Variants in DMD observed in about 807,000 individuals in gnomAD.
DMD encodes the protein dystrophin.
A neutral mutation model predicts 330.1 loss-of-function variants in DMD; 63 were observed. The observed-to-expected ratio is 0.19, with a 90% CI of 0.16 to 0.24. The LOEUF is 0.24. Among genes scored for constraint, DMD ranks in the 10% least tolerant of loss-of-function variants. The pLI, the probability that DMD is intolerant of heterozygous loss-of-function variation, is 1.00. For synonymous variants in DMD, 1,223 were observed against 959.8 expected, an observed-to-expected ratio of 1.27 and a Z score of -5.07; for missense variants, 3,344 against 2,684.1, an observed-to-expected ratio of 1.25 and a Z score of -5.43.
intron 9 of DMD, among the ~76,000 whole-genome samples, chrX:32,689,011 C>T (rs1163886467): frequency 9.0e-6 from 1 of 110,712 alleles, no homozygotes; most frequent in Non-Finnish European, 1.9e-5. Flanking sequence ...TGTGGAGTTA[C>T]ATCTTTGTAA....
At chrX:32,759,090 T>A (rs2071893646) in intron 7 of DMD, among the ~76,000 whole-genome samples, 1 of 112,152 alleles carries the variant, frequency 8.9e-6, no homozygotes, top group African/African-American at 3.2e-5. Context: ...GTTTCCTATT[T>A]TCCATCACAG....
In DMD at chrX:32,704,816, C is replaced by T. The variant is rs191673291; in HGVS notation, c.650-5523G>A. Among the ~76,000 whole-genome samples the T allele has an allele frequency of 2.7e-5, 3 of 112,174 alleles. No individual in the cohort carries two copies. In the East Asian group the frequency reaches 8.5e-4, roughly 32 times the overall value. On this transcript the variant is annotated intron_variant, in intron 7 of 78. Coordinates refer to ENST00000357033, the MANE Select transcript of DMD (RefSeq NM_004006.3). ...AGCCAGAATGCTCAAAATATGAAAACAGAAAGGCCTATATGTTGGCACAAC... is the reference window on the plus strand; with the variant it reads ...AGCCAGAATGCTCAAAATATGAAAATAGAAAGGCCTATATGTTGGCACAAC...
intron 1 of DMD, among the ~76,000 whole-genome samples, chrX:33,043,685 CT>C (rs746373500): frequency 3.6e-5 from 4 of 111,365 alleles, no homozygotes; most frequent in African/African-American, 9.8e-5. Context: ...ACAATCAACT[CT>C]TTTTTTTATT....
chrX:31,663,289 G>C (rs373938567), intron 53 of DMD, among the ~76,000 whole-genome samples: 68 of 111,222 alleles, frequency 6.1e-4, no homozygotes, highest in African/African-American at 2.1e-3. Flanking sequence ...CTGGTTTCTG[G>C]GCTTTGGTAA....
chrX:31,246,455 C>G (rs2048839152), intron 63 of DMD, among the ~76,000 whole-genome samples: 1 of 112,509 alleles, frequency 8.9e-6, no homozygotes, highest in African/African-American at 3.2e-5. Context: ...ATAGATGAAA[C>G]AGCCTTCTAT....
At chrX:33,254,215 GC>G (rs1188537052) in intron 1 of DMD, among the ~76,000 whole-genome samples, 3 of 98,172 alleles carry the variant, frequency 3.1e-5, no homozygotes, top group Admixed American at 1.0e-4. Flanking sequence ...ACATCACAAG[GC>G]TTTGTTTGTC....
At chrX:32,350,101 GATA>G (rs2097776431) in intron 37 of DMD, among the ~76,000 whole-genome samples, 1 of 111,304 alleles carries the variant, frequency 9.0e-6, no homozygotes, top group South Asian at 3.7e-4. Context: ...AATACATAAT[GATA>G]ATGTTGAAAA....
chrX:32,037,137 T>C, intron 44 of DMD, among the ~76,000 whole-genome samples: 1 of 111,181 alleles, frequency 9.0e-6, no homozygotes, highest in Middle Eastern at 4.6e-3. Context: ...GTGTAGCACA[T>C]AGACTTCAAG....
intron 7 of DMD, among the ~76,000 whole-genome samples, chrX:32,751,709 G>A (rs1486978487): frequency 8.9e-6 from 1 of 112,412 alleles, no homozygotes; most frequent in Non-Finnish European, 1.9e-5. Context: ...GCACGTCAGA[G>A]ACCTTTGTGG....
chrX:31,677,044 G>T lies in DMD; in HGVS notation c.7872+2331C>A, dbSNP rs191211485. On this transcript the variant is annotated intron_variant, in intron 53 of 78. Transcript: ENST00000357033. ...ATAGTGGCTGAGCCATTTTTATGAT[G>T]TAGTTTTAGACCATTCCAAAGCGTT... is the stretch of plus-strand genomic sequence containing the variant. 2.6e-3 allele frequency among the ~76,000 whole-genome samples: 235 copies of T among 90,995 alleles called. 4 individuals carry two copies. The Admixed American group carries it at 0.027, about 11-fold the overall frequency. 79.0% of individuals were successfully genotyped at this position (90,995 alleles called of 115,157 possible).
chrX:31,751,309 T>A (rs1234923926), intron 51 of DMD, among the ~76,000 whole-genome samples: 2 of 111,261 alleles, frequency 1.8e-5, no homozygotes, highest in Non-Finnish European at 1.9e-5. Flanking sequence ...TGTCCACATG[T>A]CATAAGGTCT....
intron 44 of DMD, among the ~76,000 whole-genome samples, chrX:32,056,605 T>C (rs1021737549): frequency 1.8e-5 from 2 of 110,498 alleles, no homozygotes; most frequent in African/African-American, 6.6e-5. Flanking sequence ...AGGCCGAAAC[T>C]AGTAAGGAGA....
chrX:33,149,688 A>T (rs1482455849), intron 1 of DMD, among the ~76,000 whole-genome samples: 1 of 111,881 alleles, frequency 8.9e-6, no homozygotes, highest in African/African-American at 3.2e-5. Flanking sequence ...TACTAGAGTC[A>T]ATAGATCTAG....
intron 56 of DMD, among the ~76,000 whole-genome samples, chrX:31,497,417 G>C (rs990037759): frequency 1.8e-5 from 2 of 111,389 alleles, no homozygotes; most frequent in Admixed American, 1.9e-4. Flanking sequence ...TCCATCTGGC[G>C]TCTGTTCCTT....
At position 31,314,779 on chromosome X, in the gene DMD, A is replaced by AGAGAGAGAGT. The variant is rs1225831523; in HGVS notation, c.9224+8818_9224+8819insACTCTCTCTC. ...GAGAGAGAGAGAGAGAGAGAGAGAG[A>AGAGAGAGAGT]GTGTTTTACCGTGTTAACATTTTTC... On this transcript the variant is annotated intron_variant, in intron 62 of 78. Transcript: ENST00000357033. Among the ~76,000 whole-genome samples, 106 of 93,433 alleles carry AGAGAGAGAGT rather than the reference A, an allele frequency of 1.1e-3. 2 individuals carry two copies. The highest frequency in any genetic ancestry group is 3.2e-3 in the African/African-American group (74 of 23,253). The allele number at this position is 93,433 out of a possible 115,157, so 81.1% of individuals were successfully genotyped here.
At position 32,349,161 on chromosome X, in the gene DMD, TCTTTA is replaced by T. The variant is rs1404722739; in HGVS notation, c.5326-638_5326-634del. Among the ~76,000 whole-genome samples the T allele has an allele frequency of 7.2e-5, 8 of 111,694 alleles. No homozygotes were observed. In the East Asian group the frequency reaches 2.2e-3, roughly 31 times the overall value. On this transcript the variant is annotated intron_variant, in intron 37 of 78. Transcript: ENST00000357033. ...CTTTTCAACCTTGTAAACATCAGTT[TCTTTA>T]CTTTTGAACTGATAATGACCAGTCT...
At chrX:32,732,247 A>G (rs1005936007) in intron 7 of DMD, among the ~76,000 whole-genome samples, 1 of 111,128 alleles carries the variant, frequency 9.0e-6, no homozygotes, top group Non-Finnish European at 1.9e-5. Flanking sequence ...AGCCTCCAAG[A>G]AATATGGGAC....
chrX:31,587,765 AC>A (rs1220840875), intron 55 of DMD, among the ~76,000 whole-genome samples: 1 of 110,730 alleles, frequency 9.0e-6, no homozygotes, highest in Non-Finnish European at 1.9e-5. Context: ...CTCCCCCCGT[AC>A]TCTCAGTATT....
intron 55 of DMD, among the ~76,000 whole-genome samples, chrX:31,583,182 T>C (rs1187733913): frequency 8.9e-6 from 1 of 112,098 alleles, no homozygotes; most frequent in East Asian, 2.8e-4. Context: ...GTTGCAGATG[T>C]CAATGTAGAA....
Sources: gnomAD v4.1 joint callset for allele counts (sites outside exome capture counted in the v4.1 genomes callset) on GRCh38, gnomAD v4.1.1 for gene constraint, MANE v1.5 for transcripts, NCBI Gene and HGNC (gene_info 2026-07-23, HGNC 2026-07-21) for gene names.